Variants in GTPBP2 observed in about 807,000 individuals in gnomAD.
GTPBP2 encodes the protein GTP binding protein 2, also known as GTP-binding protein 2.
Under a neutral mutation model 63.0 loss-of-function variants are expected in GTPBP2, and 32 were observed. That is an observed-to-expected ratio of 0.51 (90% CI 0.38 to 0.68). The LOEUF (loss-of-function observed/expected upper bound fraction) is 0.68. Ranked by LOEUF, GTPBP2 falls within the 30% of genes least tolerant of loss-of-function variation. The pLI, the probability that GTPBP2 is intolerant of heterozygous loss-of-function variation, is 0.00. For synonymous variants in GTPBP2, 310 were observed against 322.6 expected (o/e 0.96, Z 0.42); for missense variants, 492 against 796.9 (o/e 0.62, Z 4.61).
intron 9 of GTPBP2, 137 bp downstream of exon 9, chr6:43,623,600 G>A: frequency 2.8e-6 from 2 of 703,052 alleles, no homozygotes; most frequent in South Asian, 1.7e-5. Context: ...TCTTCTGATA[G>A]TGAAAGCCTA....
chr6:43,629,857 A>C, upstream of GTPBP2: 1 of 1,449,638 alleles, frequency 6.9e-7, no homozygotes, highest in Non-Finnish European at 9.3e-7. Flanking sequence ...CTACCTTTAC[A>C]TAGTAGTCAC....
Position 43,621,494 on chromosome 6 carries a change from G to A in GTPBP2, c.*120C>T. ...GAAAGTTGGCAGGGAGCAAGTGGCA[G>A]ACAGCACCCCTCTCTCCCTAGCCTA... On this transcript the variant is annotated 3_prime_UTR_variant, in exon 12 of 12. Transcript: ENST00000307126. 1 of 1,563,842 alleles carries A rather than the reference G, an allele frequency of 6.4e-7. No individual in the cohort carries two copies. The highest frequency in any genetic ancestry group is 8.7e-7 in the Non-Finnish European group (1 of 1,153,816).
Position 43,629,001 on chromosome 6 carries a change from G to T in GTPBP2, c.162C>A (p.Asn54Lys). Residue 54 changes from asparagine to lysine, a missense_variant, in exon 1 of 12, where the codon AAC becomes AAA. Transcript: ENST00000307126. The stretch of plus-strand genomic sequence containing the variant: ...CCTCGGGGGGCAAATACGGGGGGTT[G>T]TTGGCTTTGCCCCCTCTGTTCCTTC... ...KNGRNRGGKANNPPYLPPEAE... is the reference protein window; with the variant it reads ...KNGRNRGGKAKNPPYLPPEAE... 6.2e-7 allele frequency: 1 copy of T among 1,613,934 alleles called. No individual in the cohort carries two copies.
chr6:43,623,420 T>G, intron 9 of GTPBP2: 2 of 366,420 alleles, frequency 5.5e-6, no homozygotes, highest in African/African-American at 2.1e-5. Flanking sequence ...GAAAGAAGAG[T>G]CTTAAGTGAC....
upstream of GTPBP2, chr6:43,629,268 G>A: frequency 1.2e-6 from 1 of 853,872 alleles, no homozygotes; most frequent in Non-Finnish European, 1.6e-6. Flanking sequence ...GCAGAGTGGG[G>A]TGGGGCTCTG....
chr6:43,630,753 A>AG (rs1379270182), upstream of GTPBP2, among the ~76,000 whole-genome samples: 159 of 151,476 alleles, frequency 1.0e-3, 1 homozygote, highest in Non-Finnish European at 2.0e-3. Context: ...AAAAAAAAAA[A>AG]AAAAAATTAG....
Position 43,622,926 on chromosome 6 carries a change from T to C in GTPBP2, c.1296-122A>G. On this transcript the variant is annotated intron_variant, in intron 9 of 11. Coordinates refer to ENST00000307126, the MANE Select transcript of GTPBP2 (RefSeq NM_019096.5). This position sits in a 1 kb window ranked among gnomAD's most constrained non-coding sequence, Gnocchi z 5.4. ...GAGTCCCTCAAGTGGGGAAGAACCC[T>C]AAATTCTGACTTGGATGTAACAGGG... The C allele has an allele frequency of 1.4e-6, 1 of 731,792 alleles. No homozygotes were observed. The highest frequency in any genetic ancestry group is 1.9e-5 in the South Asian group (1 of 52,386). 45.3% of individuals were successfully genotyped at this position (731,792 alleles called of 1,614,324 possible). A position where few individuals can be genotyped will look rare whatever the true frequency, so the allele number is the denominator to read the frequency against.
intron 1 of GTPBP2, chr6:43,627,366 C>G: frequency 2.0e-6 from 2 of 995,114 alleles, no homozygotes; most frequent in Non-Finnish European, 2.4e-6. Flanking sequence ...CATTTCCTCC[C>G]TGCCTGCCCC....
Position 43,625,435 on chromosome 6 carries a change from G to A in GTPBP2, c.633C>T (p.His211=), listed in dbSNP as rs1178508128. ...TTCGGCCAGACTGAATCTCATGCAG[G>A]TGGCGGAAAAGGTTGAGCCGAGCCC... ...RGRARLNLFR[H]LHEIQSGRTS... The change falls in exon 5 of 12, where the codon CAC becomes CAT. Residue 211 remains histidine, a synonymous_variant. Transcript: ENST00000307126. This position sits in a 1 kb window ranked among gnomAD's most constrained non-coding sequence, Gnocchi z 5.1. 8 of 1,613,948 alleles carry A rather than the reference G, an allele frequency of 5.0e-6. No homozygotes were observed. The highest frequency in any genetic ancestry group is 1.6e-4 in the Middle Eastern group (1 of 6,084).
rs1561922871 is a variant in GTPBP2 at position 43,622,915 on chromosome 6, G to A, written c.1296-111C>T. The A allele has an allele frequency of 4.9e-6, 4 of 809,264 alleles. No individual in the cohort carries two copies. The allele number at this position is 809,264 out of a possible 1,614,324, so 50.1% of individuals were successfully genotyped here. A position where few individuals can be genotyped will look rare whatever the true frequency, so the allele number is the denominator to read the frequency against. ...CTTCTAGGGTTGAGTCCCTCAAGTG[G>A]GGAAGAACCCTAAATTCTGACTTGG... On this transcript the variant is annotated intron_variant, in intron 9 of 11. Transcript: ENST00000307126. The surrounding 1 kb of genome is among the most constrained non-coding windows in gnomAD (Gnocchi z 5.4).
At chr6:43,629,895 A>C (rs1315477478), upstream of GTPBP2, 1 of 1,240,774 alleles carries the variant, frequency 8.1e-7, no homozygotes, top group African/African-American at 1.5e-5. Context: ...GGCACCGTCC[A>C]GGGGCTGGTT....
Position 43,629,019 on chromosome 6 carries a change from G to A in GTPBP2, c.144C>T (p.Asn48=). Residue 48 remains asparagine (N), a synonymous_variant, in exon 1 of 12, where the codon AAC becomes AAT. Transcript: ENST00000307126. ...GPKGKKKNGR[N]RGGKANNPPY... ...GGGGGTTGTTGGCTTTGCCCCCTCT[G>A]TTCCTTCCGTTCTTCTTCTTTCCCT... The A allele has an allele frequency of 6.2e-7, 1 of 1,613,680 alleles. No individual in the cohort carries two copies. Among genetic ancestry groups the A allele is most frequent in the Non-Finnish European group, 8.5e-7 (1 of 1,179,820 alleles).
intron 1 of GTPBP2, chr6:43,628,399 T>G (rs1769585553): frequency 5.5e-6 from 1 of 181,774 alleles, no homozygotes; most frequent in Admixed American, 6.5e-5. Flanking sequence ...AAAATAAAAT[T>G]GGCCAGGCGT....
In GTPBP2 at chr6:43,622,090, A is replaced by G; in HGVS notation, c.1545T>C (p.His515=). 5 of 1,614,142 alleles carry G rather than the reference A, an allele frequency of 3.1e-6. No individual in the cohort carries two copies. Among genetic ancestry groups the G allele is most frequent in the Non-Finnish European group, 4.2e-6 (5 of 1,180,002 alleles). ...GGAATCCTCGTCGGAAGGTGGTGGC[A>G]TGGAACAGTAAGACTATCTCTGCCT... ...VFEAEIVLLF[H]ATTFRRGFQV... is the part of the protein sequence containing the mutation. The change falls in exon 11 of 12, where the codon CAT becomes CAC. Residue 515 remains histidine, a synonymous_variant. Coordinates refer to ENST00000307126, the MANE Select transcript of GTPBP2 (RefSeq NM_019096.5). This position sits in a 1 kb window ranked among gnomAD's most constrained non-coding sequence, Gnocchi z 5.4.
At chr6:43,623,910 T>C in intron 8 of GTPBP2, 23 bp downstream of exon 8, 3 of 1,613,734 alleles carry the variant, frequency 1.9e-6, no homozygotes, top group Non-Finnish European at 1.7e-6. Flanking sequence ...CCCAGCCTAT[T>C]AGATGTTTGG....
At chr6:43,629,380 T>G (rs924769134), upstream of GTPBP2, among the ~76,000 whole-genome samples, 3 of 152,314 alleles carry the variant, frequency 2.0e-5, no homozygotes, top group African/African-American at 7.2e-5. Flanking sequence ...TTCACTTAAA[T>G]GACACGTCGC....
At chr6:43,629,868 T>A (rs1769787397), upstream of GTPBP2, 1 of 1,403,386 alleles carries the variant, frequency 7.1e-7, no homozygotes, top group Non-Finnish European at 9.6e-7. Context: ...TAGTAGTCAC[T>A]GCTTTATTAC....
At position 43,624,663 on chromosome 6, in the gene GTPBP2, C is replaced by A; in HGVS notation, c.947G>T (p.Ser316Ile). 1 of 1,614,164 alleles carries A rather than the reference C, an allele frequency of 6.2e-7. No individual in the cohort carries two copies. Among genetic ancestry groups the A allele is most frequent in the Non-Finnish European group, 8.5e-7 (1 of 1,180,028 alleles). Residue 316 changes from serine to isoleucine, a missense_variant, in exon 7 of 12, where the codon AGC becomes ATC. By Grantham distance (142) the Ser-to-Ile change is moderately radical. Around this residue, in one of 2 missense-constraint regions of GTPBP2, gnomAD observed 400 missense variants for 710.8 expected, o/e 0.56. Coordinates refer to ENST00000307126, the MANE Select transcript of GTPBP2 (RefSeq NM_019096.5). The surrounding 1 kb of genome is among the most constrained non-coding windows in gnomAD (Gnocchi z 5.1). ...GGTCTTGGCACATAGGTCGATCTTG[C>A]TGACCACGATGAAGAAGGGCACTTT... ...ALKVPFFIVV[S>I]KIDLCAKTTV...
chr6:43,628,968 G>A lies in GTPBP2; in HGVS notation c.186+9C>T. ...CTTCTTCCCGCCCTACCACTTCTCA[G>A]GTGCTCACCTCGGGGGGCAAATACG... On this transcript the variant is annotated intron_variant, in intron 1 of 11. Coordinates refer to ENST00000307126, the MANE Select transcript of GTPBP2 (RefSeq NM_019096.5). 1 of 1,613,044 alleles carries A rather than the reference G, an allele frequency of 6.2e-7. No homozygotes were observed.
Sources: allele counts gnomAD v4.1 joint callset (sites outside exome capture counted in the v4.1 genomes callset), GRCh38; gene constraint gnomAD v4.1.1; regional missense constraint gnomAD v4.1.1; non-coding constraint Gnocchi (gnomAD v3.1); transcripts MANE v1.5; gene names NCBI Gene and HGNC (gene_info 2026-07-23, HGNC 2026-07-21).